Variants in PIK3C2G observed in about 807,000 individuals in gnomAD.
PIK3C2G encodes the protein phosphatidylinositol 3-kinase C2 domain-containing subunit gamma.
A neutral mutation model predicts 181.1 loss-of-function variants in PIK3C2G; 168 were observed. That is an observed-to-expected ratio of 0.93 (90% CI 0.82 to 1.05). The LOEUF (loss-of-function observed/expected upper bound fraction) is 1.05. Among genes scored for constraint, PIK3C2G ranks in the 50% least tolerant of loss-of-function variants. The pLI is 0.00. For missense variants in PIK3C2G, 1,869 were observed against 1,732.8 expected (o/e 1.08, Z -1.40); for synonymous variants, 573 against 592.2 (o/e 0.97, Z 0.47).
chr12:18,405,898 T>G (rs1184565603), intron 16 of PIK3C2G, among the ~76,000 whole-genome samples: 1 of 152,204 alleles, frequency 6.6e-6, no homozygotes, highest in Non-Finnish European at 1.5e-5. Flanking sequence ...TGTTAAAAAT[T>G]TATTTTTAGC....
chr12:18,692,641 C>G, the PIK3C2G span: 3 of 608,036 alleles, frequency 4.9e-6, no homozygotes, highest in Non-Finnish European at 8.6e-6. Flanking sequence ...GGCAGGAGGA[C>G]TAATTATGCA....
chr12:18,605,890 C>T (rs868190592), intron 30 of PIK3C2G, among the ~76,000 whole-genome samples: 1 of 152,088 alleles, frequency 6.6e-6, no homozygotes, highest in African/African-American at 2.4e-5. Flanking sequence ...AAACCTGCAC[C>T]GTTTATTGTC....
chr12:18,546,345 A>G lies in PIK3C2G; in HGVS notation c.3503A>G (p.Glu1168Gly). ...AAGATGCTGTATGCAGGACTGCCTG[A>G]GCTAAGTGGAATTCAAGACCTGAAA... ...LEMMLYAGLPELSGIQDLKYV... is the reference protein window; with the variant it reads ...LEMMLYAGLPGLSGIQDLKYV... Residue 1168 changes from glutamate to glycine, a missense_variant, in exon 26 of 33, where the codon GAG becomes GGG. Transcript: ENST00000538779. 6.3e-7 allele frequency: 1 copy of G among 1,595,604 alleles called. No homozygotes were observed. Among genetic ancestry groups the G allele is most frequent in the Non-Finnish European group, 8.6e-7 (1 of 1,168,594 alleles).
chr12:18,661,480 G>A, the PIK3C2G span, among the ~76,000 whole-genome samples: 2 of 152,048 alleles, frequency 1.3e-5, no homozygotes, highest in Admixed American at 1.3e-4. Flanking sequence ...AAAAACAACT[G>A]TCAACCATGA....
chr12:18,282,503 T>A lies in PIK3C2G; in HGVS notation c.422T>A (p.Phe141Tyr). ...CATCATGGTGCTGATGATTCCAGAT[T>A]CAGTATTTTAGCTCCATCATTCACA... is the stretch of plus-strand genomic sequence containing the variant. ...GKHHGADDSR[F>Y]SILAPSFTSL... Residue 141 changes from phenylalanine (F) to tyrosine (Y), a missense_variant, in exon 2 of 33, where the codon TTC becomes TAC. Phe to Tyr is a conservative substitution (Grantham distance 22, BLOSUM62 3). Coordinates refer to ENST00000538779, the MANE Select transcript of PIK3C2G (RefSeq NM_001288772.2). 2 of 1,612,416 alleles carry A rather than the reference T, an allele frequency of 1.2e-6. No individual in the cohort carries two copies. The highest frequency in any genetic ancestry group is 1.7e-6 in the Non-Finnish European group (2 of 1,178,744).
chr12:18,270,207 G>A (rs1478661138), intron 1 of PIK3C2G, among the ~76,000 whole-genome samples: 4 of 152,120 alleles, frequency 2.6e-5, no homozygotes, highest in Non-Finnish European at 5.9e-5. Flanking sequence ...ACTGCGCACA[G>A]CCCGACAAGT....
At chr12:18,276,083 C>T (rs1200777789) in intron 1 of PIK3C2G, among the ~76,000 whole-genome samples, 1 of 152,158 alleles carries the variant, frequency 6.6e-6, no homozygotes, top group African/African-American at 2.4e-5. Context: ...ATCTTCTGAT[C>T]AGTAAGCGTT....
intron 24 of PIK3C2G, among the ~76,000 whole-genome samples, chr12:18,528,066 T>C (rs1943339444): frequency 6.6e-6 from 1 of 152,168 alleles, no homozygotes; most frequent in Non-Finnish European, 1.5e-5. Flanking sequence ...CTTTCTATAA[T>C]AGTACATGCA....
At chr12:18,568,384 T>TTGTGTGTGTG (rs56936466) in intron 29 of PIK3C2G, among the ~76,000 whole-genome samples, 114 of 145,826 alleles carry the variant, frequency 7.8e-4, no homozygotes, top group Middle Eastern at 3.5e-3. Flanking sequence ...ACCAACAAAA[T>TTGTGTGTGTG]TGTGTGTGTG....
chr12:18,538,515 C>T (rs1943985692), intron 25 of PIK3C2G, among the ~76,000 whole-genome samples: 1 of 151,948 alleles, frequency 6.6e-6, no homozygotes, highest in Admixed American at 6.6e-5. Context: ...TTGTCTCAAA[C>T]ATTCCTATTC....
chr12:18,635,789 G>A (rs1478692983), intron 31 of PIK3C2G, among the ~76,000 whole-genome samples: 1 of 152,152 alleles, frequency 6.6e-6, no homozygotes, highest in South Asian at 2.1e-4. Context: ...AAAACAAGCA[G>A]CTTTTCAGGT....
intron 30 of PIK3C2G, among the ~76,000 whole-genome samples, chr12:18,601,906 A>G (rs143046625): frequency 0.011 from 1,693 of 152,194 alleles, 29 homozygotes; most frequent in African/African-American, 0.038. Context: ...TGGGTCCCCA[A>G]GCAGCCCATT....
intron 31 of PIK3C2G, among the ~76,000 whole-genome samples, chr12:18,615,834 C>A (rs887410753): frequency 6.6e-6 from 1 of 152,034 alleles, no homozygotes; most frequent in Admixed American, 6.6e-5. Context: ...TCTAAGACTG[C>A]ATTTTACTAT....
At chr12:18,591,080 C>A (rs951236685) in intron 29 of PIK3C2G, among the ~76,000 whole-genome samples, 2 of 151,934 alleles carry the variant, frequency 1.3e-5, no homozygotes, top group Non-Finnish European at 2.9e-5. Flanking sequence ...ACAGATTCTG[C>A]AGTCTGAGGT....
rs540448552 is a variant in PIK3C2G, at chr12:18,293,277, G to A, written c.920-624G>A. 1.1e-4 allele frequency among the ~76,000 whole-genome samples: 17 copies of A among 152,080 alleles called. No individual in the cohort carries two copies. In the East Asian group the frequency reaches 1.9e-3, roughly 17 times the overall value. ...GATGAAGAAACTAGGTCAAAAAGGC[G>A]AAATAACTTGTTTACATAAATCAAC... On this transcript the variant is annotated intron_variant, in intron 4 of 32. Coordinates refer to ENST00000538779, the MANE Select transcript of PIK3C2G (RefSeq NM_001288772.2).
intron 24 of PIK3C2G, 37 bp from the exon 25 acceptor site, chr12:18,538,119 C>T (rs1943956049): frequency 1.3e-6 from 2 of 1,578,386 alleles, no homozygotes; most frequent in Non-Finnish European, 1.7e-6. Flanking sequence ...AACCATTTCT[C>T]TTCCTTCGAA....
At chr12:18,287,977 C>T (rs1176388800) in intron 3 of PIK3C2G, among the ~76,000 whole-genome samples, 3 of 151,918 alleles carry the variant, frequency 2.0e-5, no homozygotes, top group Non-Finnish European at 4.4e-5. Flanking sequence ...GCCTGGCCAA[C>T]GTGGTGAAAC....
chr12:18,348,513 T>A (rs1216196354), intron 11 of PIK3C2G, among the ~76,000 whole-genome samples: 1 of 152,058 alleles, frequency 6.6e-6, no homozygotes, highest in Admixed American at 6.6e-5. Context: ...GTTCCTATAA[T>A]CAATAAATAA....
the PIK3C2G span, among the ~76,000 whole-genome samples, chr12:18,716,432 T>C: frequency 6.6e-6 from 1 of 152,368 alleles, no homozygotes; most frequent in South Asian, 2.1e-4. Context: ...TGCAATGTCA[T>C]GCCAACCACT....
Sources: allele counts gnomAD v4.1 joint callset (sites outside exome capture counted in the v4.1 genomes callset), GRCh38; gene constraint gnomAD v4.1.1; transcripts MANE v1.5; gene names NCBI Gene and HGNC (gene_info 2026-07-23, HGNC 2026-07-21).